Variants in MTMR7 observed in about 807,000 individuals in gnomAD.
MTMR7 encodes myotubularin related protein 7.
In MTMR7, 76 loss-of-function variants were observed where a neutral mutation model predicts 81.2. That is an observed-to-expected ratio of 0.94 (90% CI 0.78 to 1.13). The LOEUF (loss-of-function observed/expected upper bound fraction) is 1.13, where lower values mean the gene tolerates loss of function less well. Among genes scored for constraint, MTMR7 ranks in the 50% most tolerant of loss-of-function variants. MTMR7 has a pLI of 0.00. For synonymous variants in MTMR7, 372 were observed against 289.8 expected, an observed-to-expected ratio of 1.28 and a Z score of -2.88; for missense variants, 1,044 against 820.0, an observed-to-expected ratio of 1.27 and a Z score of -3.34.
intron 3 of MTMR7, among the ~76,000 whole-genome samples, chr8:17,366,052 T>TCGG (rs1820214742): frequency 6.6e-6 from 1 of 152,162 alleles, no homozygotes; most frequent in South Asian, 2.1e-4. Flanking sequence ...ATTGCTCTCC[T>TCGG]CGGCTCCTTC....
intron 13 of MTMR7, chr8:17,301,633 G>C (rs1399467827): frequency 1.3e-5 from 2 of 153,792 alleles, no homozygotes; most frequent in African/African-American, 4.8e-5. Context: ...AACTACATTA[G>C]TACCATTGGA....
intron 7 of MTMR7, among the ~76,000 whole-genome samples, chr8:17,324,424 T>C (rs1818564841): frequency 6.6e-6 from 1 of 152,204 alleles, no homozygotes; most frequent in Non-Finnish European, 1.5e-5. Flanking sequence ...AGGCCATCCA[T>C]GGTTACATAG....
intron 4 of MTMR7, among the ~76,000 whole-genome samples, chr8:17,354,621 CCAT>C (rs1819829946): frequency 6.6e-6 from 1 of 152,148 alleles, no homozygotes. Context: ...GTTATTTCCA[CCAT>C]CGACAATTGT....
intron 5 of MTMR7, among the ~76,000 whole-genome samples, chr8:17,341,892 A>G (rs1471572305): frequency 6.6e-6 from 1 of 151,812 alleles, no homozygotes; most frequent in African/African-American, 2.4e-5. Flanking sequence ...TTAATAAAAT[A>G]GAAATTATTT....
At chr8:17,377,812 T>C (rs1252795520) in intron 1 of MTMR7, among the ~76,000 whole-genome samples, 2 of 152,166 alleles carry the variant, frequency 1.3e-5, no homozygotes, top group Non-Finnish European at 2.9e-5. Flanking sequence ...ATTTTCCAAA[T>C]TCTCATATGG....
At chr8:17,393,679 C>T (rs1475717738) in intron 1 of MTMR7, among the ~76,000 whole-genome samples, 1 of 151,034 alleles carries the variant, frequency 6.6e-6, no homozygotes, top group Non-Finnish European at 1.5e-5. Context: ...TGGGGAACAA[C>T]ACACACTGGG....
intron 3 of MTMR7, among the ~76,000 whole-genome samples, chr8:17,369,233 G>A (rs1224072749): frequency 6.6e-6 from 1 of 152,168 alleles, no homozygotes; most frequent in East Asian, 1.9e-4. Context: ...CAATTTTAGT[G>A]CACCCTCCAA....
intron 1 of MTMR7, among the ~76,000 whole-genome samples, chr8:17,397,038 A>C (rs939682764): frequency 5.9e-5 from 9 of 151,992 alleles, no homozygotes; most frequent in African/African-American, 2.2e-4. Context: ...ATCTGCTGAC[A>C]AAAGAGCTCG....
Position 17,311,495 on chromosome 8 carries a change from C to T in MTMR7, c.1101+16G>A. The T allele has an allele frequency of 1.9e-6, 3 of 1,613,990 alleles. No homozygotes were observed. The highest frequency in any genetic ancestry group is 8.5e-7 in the Non-Finnish European group (1 of 1,179,986). On this transcript the variant is annotated intron_variant, in intron 9 of 13. Coordinates refer to ENST00000180173, the MANE Select transcript of MTMR7 (RefSeq NM_004686.5). ...CAAGGCACCGCCTGTGGGAATCGCC[C>T]AGTGGCCACACTCACCATGAAGCCC...
intron 12 of MTMR7, 74 bp downstream of exon 12, chr8:17,304,305 T>C: frequency 2.0e-6 from 3 of 1,532,692 alleles, no homozygotes; most frequent in Non-Finnish European, 2.7e-6. Flanking sequence ...TCATACACTT[T>C]GACCTCTGAA....
intron 3 of MTMR7, among the ~76,000 whole-genome samples, chr8:17,364,661 G>C (rs570142296): frequency 4.8e-4 from 73 of 152,310 alleles, no homozygotes; most frequent in African/African-American, 1.6e-3. Flanking sequence ...ATGTAAGTGA[G>C]AACATATGGT....
rs142471997 is a variant in MTMR7, at chr8:17,313,439, T to C, written c.866-38A>G. ...TCATGTTATAAAAGCAAAATTAAGG[T>C]ACTCTCTCATTTTACATATGATCAT... On this transcript the variant is annotated intron_variant, in intron 7 of 13. Coordinates refer to ENST00000180173, the MANE Select transcript of MTMR7 (RefSeq NM_004686.5). 40 of 1,308,430 alleles carry C rather than the reference T, an allele frequency of 3.1e-5. No homozygotes were observed. In the African/African-American group the frequency reaches 5.1e-4, roughly 17 times the overall value. The allele number at this position is 1,308,430 out of a possible 1,614,324, so 81.1% of individuals were successfully genotyped here. A position where few individuals can be genotyped will look rare whatever the true frequency, so the allele number is the denominator to read the frequency against.
chr8:17,385,856 G>A lies in MTMR7; in HGVS notation c.25-12616C>T, dbSNP rs1054634298. Among the ~76,000 whole-genome samples, 17 of 152,092 alleles carry A rather than the reference G, an allele frequency of 1.1e-4. 1 individual carries two copies. The highest frequency in any genetic ancestry group is 3.9e-4 in the African/African-American group (16 of 41,418). ...CCTCCAGTACAAACTTTGGAACCAT[G>A]AGCCAATTAAACCTCTTTTCTTCAT... On this transcript the variant is annotated intron_variant, in intron 1 of 13. Coordinates refer to ENST00000180173, the MANE Select transcript of MTMR7 (RefSeq NM_004686.5).
chr8:17,353,987 A>G (rs1239891686), intron 4 of MTMR7, among the ~76,000 whole-genome samples: 3 of 152,202 alleles, frequency 2.0e-5, no homozygotes, highest in South Asian at 2.1e-4. Flanking sequence ...CACTCCCAGG[A>G]CAGCTGATCT....
At chr8:17,372,534 G>T (rs990776732) in intron 2 of MTMR7, among the ~76,000 whole-genome samples, 10 of 152,088 alleles carry the variant, frequency 6.6e-5, no homozygotes, top group Non-Finnish European at 1.2e-4. Context: ...GCTGCAGTGA[G>T]CTGAGATCGC....
At chr8:17,358,902 T>A (rs1197180957) in intron 4 of MTMR7, among the ~76,000 whole-genome samples, 1 of 152,176 alleles carries the variant, frequency 6.6e-6, no homozygotes, top group East Asian at 1.9e-4. Context: ...AAAGCCCTTT[T>A]TAAAAAATTT....
intron 4 of MTMR7, among the ~76,000 whole-genome samples, chr8:17,356,541 C>G (rs549269247): frequency 6.6e-5 from 10 of 151,764 alleles, no homozygotes; most frequent in African/African-American, 2.4e-4. Flanking sequence ...TCTACTACTA[C>G]TACTAATAAT....
Position 17,361,228 on chromosome 8 carries a change from A to C in MTMR7, c.357T>G (p.Asp119Glu), listed in dbSNP as rs778846205. ...LYCFSFNPMLDKEEREQGWVL... is the reference protein window; with the variant it reads ...LYCFSFNPMLEKEEREQGWVL... ...CCCAGCCTTGCTCTCTTTCTTCTTTATCCAGCATGGGGTTGAATGAAAAGC... is the reference window on the plus strand; with the variant it reads ...CCCAGCCTTGCTCTCTTTCTTCTTTCTCCAGCATGGGGTTGAATGAAAAGC... Residue 119 changes from aspartate to glutamate, a missense_variant, in exon 4 of 14, where the codon GAT becomes GAG. Coordinates refer to ENST00000180173, the MANE Select transcript of MTMR7 (RefSeq NM_004686.5). 5.0e-6 allele frequency: 8 copies of C among 1,614,172 alleles called. No individual in the cohort carries two copies. In the South Asian group the frequency reaches 7.7e-5, roughly 16 times the overall value.
At chr8:17,405,871 C>A (rs200803821) in intron 1 of MTMR7, among the ~76,000 whole-genome samples, 50,110 of 109,286 alleles carry the variant, frequency 0.46, 10,066 homozygotes, top group Admixed American at 0.6. Context: ...CACACACACA[C>A]ACACACACCA....
Sources: allele counts gnomAD v4.1 joint callset (sites outside exome capture counted in the v4.1 genomes callset), GRCh38; gene constraint gnomAD v4.1.1; transcripts MANE v1.5; gene names NCBI Gene and HGNC (gene_info 2026-07-23, HGNC 2026-07-21).